ZNF730: variants seen among roughly 807,000 people sequenced by gnomAD.
The protein encoded by ZNF730 is zinc finger protein 730, also known as putative zinc finger protein 730.
A neutral mutation model predicts 12.6 loss-of-function variants in ZNF730; 12 were observed. That is an observed-to-expected ratio of 0.95 (90% CI 0.61 to 1.54). The LOEUF is 1.54. Ranked by LOEUF, ZNF730 falls within the 40% of genes most tolerant of loss-of-function variation. ZNF730 has a pLI of 0.00. For synonymous variants in ZNF730, 194 were observed against 195.8 expected (o/e 0.99, Z 0.08); for missense variants, 643 against 583.5 (o/e 1.10, Z -1.05).
chr19:23,136,655 A>G (rs1970836489), intron 3 of ZNF730, among the ~76,000 whole-genome samples: 1 of 149,510 alleles, frequency 6.7e-6, no homozygotes, highest in South Asian at 2.1e-4. Context: ...TTTATTGCTA[A>G]TTTTTCTGCA....
intron 1 of ZNF730, chr19:23,125,896 TAC>T (rs1459277245): frequency 6.5e-6 from 1 of 152,716 alleles, no homozygotes; most frequent in East Asian, 1.9e-4. Context: ...TGAAGAGTGA[TAC>T]AGTGACCACA....
rs57120684 is a variant in ZNF730 at position 23,107,449 on chromosome 19, C to CAAAAAAAAAAAAAAAAA, written c.-93-26621_-93-26605dup. On this transcript the variant is annotated intron_variant, in intron 1 of 2. Coordinates refer to the ZNF730 transcript ENST00000593635. ...TGTCTCTACTTTAAAAAAAAAATAC[C>CAAAAAAAAAAAAAAAAA]AAAAAAAAAAAAAAAAAAAAAAAAA... is the stretch of plus-strand genomic sequence containing the variant. Among the ~76,000 whole-genome samples, 3 of 47,316 alleles carry CAAAAAAAAAAAAAAAAA rather than the reference C, an allele frequency of 6.3e-5. 1 individual carries two copies. Among genetic ancestry groups the CAAAAAAAAAAAAAAAAA allele is most frequent in the African/African-American group, 1.7e-4 (2 of 11,782 alleles). 31.0% of individuals were successfully genotyped at this position (47,316 alleles called of 152,430 possible). A position where few individuals can be genotyped will look rare whatever the true frequency, so the allele number is the denominator to read the frequency against.
intron 1 of ZNF730, among the ~76,000 whole-genome samples, chr19:23,119,911 G>A (rs1336890152): frequency 6.6e-6 from 1 of 151,516 alleles, no homozygotes; most frequent in Non-Finnish European, 1.5e-5. Context: ...AAATAGTTTT[G>A]TAAGATATAA....
At chr19:23,098,214 T>G (rs1970285399) in intron 1 of ZNF730, 1 of 151,998 alleles carries the variant, frequency 6.6e-6, no homozygotes, top group Admixed American at 6.6e-5. Flanking sequence ...TACTCTCTCC[T>G]GCCTGAGCCC....
chr19:23,095,756 A>T (rs1970238920), intron 1 of ZNF730: 1 of 280,632 alleles, frequency 3.6e-6, no homozygotes, highest in South Asian at 1.7e-4. Context: ...CTCCTCTCTT[A>T]CCTGGATGTT....
At chr19:23,097,652 A>G (rs969480889) in intron 1 of ZNF730, among the ~76,000 whole-genome samples, 2 of 152,062 alleles carry the variant, frequency 1.3e-5, no homozygotes, top group East Asian at 1.9e-4. Context: ...GGTTTTTCCC[A>G]TAGTAGAGAT....
chr19:23,081,464 C>T (rs927932088), intron 1 of ZNF730, among the ~76,000 whole-genome samples: 1 of 152,140 alleles, frequency 6.6e-6, no homozygotes, highest in South Asian at 2.1e-4. Flanking sequence ...GGATTACAGG[C>T]GTGAGCCACC....
intron 1 of ZNF730, among the ~76,000 whole-genome samples, chr19:23,122,314 T>A (rs1970609218): frequency 6.6e-6 from 1 of 152,156 alleles, no homozygotes; most frequent in African/African-American, 2.4e-5. Context: ...CTAATTTTTT[T>A]ATATTTTTAG....
rs145668625 is a variant in ZNF730 at position 23,109,002 on chromosome 19, G to A, written c.-93-25078G>A. ...TAACTTCAGGTGATCTACCTGCCTC[G>A]GCCTCTCATTAAGTGATGGGATTAC... On this transcript the variant is annotated intron_variant, in intron 1 of 2. Transcript: ENST00000593635. 3.6e-3 allele frequency among the ~76,000 whole-genome samples: 548 copies of A among 152,082 alleles called. 4 individuals are homozygous for A. Among genetic ancestry groups the A allele is most frequent in the African/African-American group, 0.013 (523 of 41,496 alleles).
intron 1 of ZNF730, chr19:23,095,131 C>T (rs1389493675): frequency 5.4e-6 from 2 of 370,254 alleles, no homozygotes; most frequent in Admixed American, 4.6e-5. Context: ...GGGATTGTGA[C>T]ATATCACTGG....
intron 1 of ZNF730, among the ~76,000 whole-genome samples, chr19:23,108,776 G>A (rs1970425489): frequency 6.6e-6 from 1 of 152,010 alleles, no homozygotes; most frequent in Admixed American, 6.5e-5. Context: ...TTGAGACAGA[G>A]TCTCACTCTA....
chr19:23,120,329 A>G (rs746894370), intron 1 of ZNF730, among the ~76,000 whole-genome samples: 1 of 151,898 alleles, frequency 6.6e-6, no homozygotes, highest in Non-Finnish European at 1.5e-5. Flanking sequence ...TAGGCTGTTT[A>G]CTACTATTTC....
At chr19:23,078,676 A>G (rs1969909736) in intron 1 of ZNF730, among the ~76,000 whole-genome samples, 1 of 152,070 alleles carries the variant, frequency 6.6e-6, no homozygotes, top group African/African-American at 2.4e-5. Context: ...CTTTCTCTAT[A>G]CTTTGTCTCT....
At chr19:23,083,847 A>G (rs1970011255) in intron 1 of ZNF730, among the ~76,000 whole-genome samples, 1 of 151,844 alleles carries the variant, frequency 6.6e-6, no homozygotes, top group Middle Eastern at 3.2e-3. Flanking sequence ...TTTGTACATT[A>G]TTTTCCTTCA....
At chr19:23,111,378 A>T (rs116755869) in intron 1 of ZNF730, among the ~76,000 whole-genome samples, 2,373 of 152,288 alleles carry the variant, frequency 0.016, 70 homozygotes, top group African/African-American at 0.054. Flanking sequence ...AACTAAAAGG[A>T]TATTAGGATA....
At position 23,127,089 on chromosome 19, in the gene ZNF730, G is replaced by T. The variant is rs528438407; in HGVS notation, c.4-6991G>T. The T allele has an allele frequency of 9.7e-6, 5 of 513,292 alleles. No homozygotes were observed. The Admixed American group carries it at 1.1e-4, about 12-fold the overall frequency. 31.8% of individuals were successfully genotyped at this position (513,292 alleles called of 1,614,324 possible). A position where few individuals can be genotyped will look rare whatever the true frequency, so the allele number is the denominator to read the frequency against. On this transcript the variant is annotated intron_variant, in intron 1 of 3. Coordinates refer to ENST00000597761, the MANE Select transcript of ZNF730 (RefSeq NM_001277403.2). ...GTAATAATCTGCAGCACTTTTGTGG[G>T]ATCTTGTCCTTCTATGAGTTAGCAG...
At chr19:23,114,315 T>TTC (rs1970491327), upstream of ZNF730, among the ~76,000 whole-genome samples, 1 of 118,594 alleles carries the variant, frequency 8.4e-6, no homozygotes. Context: ...CTTTTTTTTT[T>TTC]TTTTTTTTTG....
upstream of ZNF730, among the ~76,000 whole-genome samples, chr19:23,115,194 T>C (rs1970504328): frequency 6.6e-6 from 1 of 151,646 alleles, no homozygotes; most frequent in African/African-American, 2.4e-5. Context: ...ATTTCAAGGG[T>C]CTGTGGCAGT....
intron 3 of ZNF730, among the ~76,000 whole-genome samples, chr19:23,140,186 G>A (rs1431047355): frequency 6.6e-6 from 1 of 151,792 alleles, no homozygotes; most frequent in Non-Finnish European, 1.5e-5. Context: ...TTGTGTAAGT[G>A]AGTAGTCATG....
Sources: allele counts gnomAD v4.1 joint callset (sites outside exome capture counted in the v4.1 genomes callset), GRCh38; gene constraint gnomAD v4.1.1; transcripts MANE v1.5; gene names NCBI Gene and HGNC (gene_info 2026-07-23, HGNC 2026-07-21).